Variants in UGT2B17 observed in about 807,000 individuals in gnomAD.
UGT2B17 encodes UDP glucuronosyltransferase family 2 member B17.
A neutral mutation model predicts 48.2 loss-of-function variants in UGT2B17; 21 were observed. The ratio of observed to expected loss-of-function variants is 0.44; its 90% CI spans 0.31 to 0.63. The LOEUF is 0.63. UGT2B17 is among the 20% of genes least tolerant of loss of function. The probability of loss-of-function intolerance (pLI) is 0.08; values close to 1 mark genes in which losing one functional copy is unlikely to be tolerated. For synonymous variants in UGT2B17, 146 were observed against 238.4 expected, an observed-to-expected ratio of 0.61 and a Z score of 3.57; for missense variants, 402 against 696.1, an observed-to-expected ratio of 0.58 and a Z score of 4.75.
chr4:68,574,780 A>G (rs535686569), intron 1 of UGT2B17, among the ~76,000 whole-genome samples: 1 of 126,500 alleles, frequency 7.9e-6, no homozygotes, highest in Non-Finnish European at 1.7e-5. Context: ...TTTTTTGCAT[A>G]AAATTTTTTA....
chr4:68,561,685 G>A (rs1167832749), intron 3 of UGT2B17, among the ~76,000 whole-genome samples: 2 of 119,736 alleles, frequency 1.7e-5, no homozygotes, highest in Non-Finnish European at 1.7e-5. Flanking sequence ...TGTTTGCTTC[G>A]AAATGAATGA....
chr4:68,572,320 A>G lies in UGT2B17; in HGVS notation c.-65+3631T>C, dbSNP rs1328983205. Among the ~76,000 whole-genome samples the G allele has an allele frequency of 4.0e-5, 5 of 126,282 alleles. 2 individuals carry two copies. Among genetic ancestry groups the G allele is most frequent in the Admixed American group, 2.4e-4 (3 of 12,308 alleles). 82.8% of individuals were successfully genotyped at this position (126,282 alleles called of 152,430 possible). A position where few individuals can be genotyped will look rare whatever the true frequency, so the allele number is the denominator to read the frequency against. On this transcript the variant is annotated intron_variant, in intron 1 of 6. Transcript: ENST00000317746. ...ATTACCTTACTTGTGTCACATAGAA[A>G]AGGAGCAGTCCTTAATTTTATTTTA...
rs1731101845 is a variant in UGT2B17, at chr4:68,561,453, C to T, written c.874-785G>A. Among the ~76,000 whole-genome samples, 2 of 124,318 alleles carry T rather than the reference C, an allele frequency of 1.6e-5. 1 individual carries two copies. The highest frequency in any genetic ancestry group is 3.4e-5 in the Non-Finnish European group (2 of 59,104). 81.6% of individuals were successfully genotyped at this position (124,318 alleles called of 152,430 possible). A position where few individuals can be genotyped will look rare whatever the true frequency, so the allele number is the denominator to read the frequency against. On this transcript the variant is annotated intron_variant, in intron 3 of 6. Coordinates refer to ENST00000317746, the MANE Select transcript of UGT2B17 (RefSeq NM_001077.4). ...AATTAAGTGATCTTATTTCTCAGAT[C>T]ATTGTTTAGGTATGACTATGATACC...
At chr4:68,555,276 T>C (rs1040820024) in intron 4 of UGT2B17, among the ~76,000 whole-genome samples, 1 of 125,906 alleles carries the variant, frequency 7.9e-6, no homozygotes, top group Non-Finnish European at 1.7e-5. Flanking sequence ...CAAAACAGAA[T>C]GATCTTCACT....
intron 6 of UGT2B17, among the ~76,000 whole-genome samples, chr4:68,540,787 C>T (rs1371217004): frequency 1.6e-5 from 2 of 125,208 alleles, no homozygotes; most frequent in African/African-American, 5.5e-5. Context: ...TGTCCTGATA[C>T]TCTCACTCCC....
intron 6 of UGT2B17, among the ~76,000 whole-genome samples, chr4:68,545,937 T>C (rs1730794961): frequency 8.0e-6 from 1 of 125,224 alleles, no homozygotes; most frequent in Admixed American, 8.2e-5. Flanking sequence ...AATTAATAGC[T>C]TACCAACCAA....
chr4:68,539,315 T>C (rs1265469942), intron 6 of UGT2B17, among the ~76,000 whole-genome samples: 2 of 125,736 alleles, frequency 1.6e-5, no homozygotes, highest in East Asian at 7.5e-4. Context: ...TATAATTGAA[T>C]TAAATAATAC....
intron 4 of UGT2B17, among the ~76,000 whole-genome samples, chr4:68,554,051 T>C (rs1364566540): frequency 8.0e-6 from 1 of 124,620 alleles, no homozygotes; most frequent in African/African-American, 2.7e-5. Flanking sequence ...AGGAAACACA[T>C]ATGAGGGCAG....
chr4:68,549,136 AT>A (rs1730871262), intron 6 of UGT2B17, among the ~76,000 whole-genome samples: 1 of 119,262 alleles, frequency 8.4e-6, no homozygotes, highest in Admixed American at 8.5e-5. Flanking sequence ...TGTCTTACTA[AT>A]TTTTTGGTAA....
chr4:68,556,897 C>T (rs1731011369), intron 4 of UGT2B17, among the ~76,000 whole-genome samples: 1 of 124,526 alleles, frequency 8.0e-6, no homozygotes, highest in African/African-American at 2.7e-5. Flanking sequence ...CTTTTTAATC[C>T]TTTGATATTT....
rs571097349 is a variant in UGT2B17 at position 68,567,377 on chromosome 4, C to T, written c.724+384G>A. Among the ~76,000 whole-genome samples, 2 of 126,498 alleles carry T rather than the reference C, an allele frequency of 1.6e-5. 1 individual carries two copies. Among genetic ancestry groups the T allele is most frequent in the Admixed American group, 1.6e-4 (2 of 12,302 alleles). 83.0% of individuals were successfully genotyped at this position (126,498 alleles called of 152,430 possible). The stretch of plus-strand genomic sequence containing the variant: ...CTCAGGTACAAGTTCCTCAATCCTG[C>T]ATTGATAATATTTTTAGAAATATGT... On this transcript the variant is annotated intron_variant, in intron 2 of 6. Coordinates refer to ENST00000317746, the MANE Select transcript of UGT2B17 (RefSeq NM_001077.4).
rs2109768102 is a variant in UGT2B17, at chr4:68,554,344, G to A, written c.1006-2433C>T. Among the ~76,000 whole-genome samples, 2 of 126,710 alleles carry A rather than the reference G, an allele frequency of 1.6e-5. 1 individual carries two copies. Among genetic ancestry groups the A allele is most frequent in the Admixed American group, 1.6e-4 (2 of 12,394 alleles). The allele number at this position is 126,710 out of a possible 152,430, so 83.1% of individuals were successfully genotyped here. On this transcript the variant is annotated intron_variant, in intron 4 of 6. Transcript: ENST00000317746. ...GACACCTCTACTTGGCAGAGTTTAT[G>A]TAAAATGAAGGTAATACGGTCTTTG...
rs767034995 is a variant in UGT2B17, at chr4:68,568,005, C to T, written c.480G>A (p.Leu160=). 8.0e-6 allele frequency: 11 copies of T among 1,382,016 alleles called. 1 individual carries two copies. The African/African-American group carries it at 1.0e-4, about 13-fold the overall frequency. The allele number at this position is 1,382,016 out of a possible 1,614,324, so 85.6% of individuals were successfully genotyped here. ...AGGGTATGTTAAGTAGCTCAGCCAG[C>T]AGCTCACCACAGGGATTAACGGCAT... is the stretch of plus-strand genomic sequence containing the variant. ...LADAVNPCGE[L]LAELLNIPFL... is the part of the protein sequence containing the mutation. The change falls in exon 2 of 7, where the codon CTG becomes CTA. Residue 160 remains leucine, a synonymous_variant. Coordinates refer to ENST00000317746, the MANE Select transcript of UGT2B17 (RefSeq NM_001077.4).
In UGT2B17 at chr4:68,565,662, G is replaced by A. The variant is rs1731184878; in HGVS notation, c.783C>T (p.Thr261=). The change falls in exon 3 of 7, where the codon ACC becomes ACT. Residue 261 remains threonine (T), a synonymous_variant. Transcript: ENST00000317746. ...GGCGAGGAAATTCAAAATCCCAATA[G>A]GTTCGAATGAGCCACATTTCAGCTT... is the stretch of plus-strand genomic sequence containing the variant. ...MGKAEMWLIR[T]YWDFEFPRPF... 1 of 1,366,702 alleles carries A rather than the reference G, an allele frequency of 7.3e-7. No individual in the cohort carries two copies. The highest frequency in any genetic ancestry group is 9.5e-7 in the Non-Finnish European group (1 of 1,048,308). The allele number at this position is 1,366,702 out of a possible 1,614,324, so 84.7% of individuals were successfully genotyped here.
rs1389573596 is a variant in UGT2B17, at chr4:68,558,391, T to G, written c.1005+2146A>C. On this transcript the variant is annotated intron_variant, in intron 4 of 6. Transcript: ENST00000317746. ...ACAATTTTTCCTAATTTGGAGTCAC[T>G]GTAAACTAAGCTATGCTTTCATAAA... is the stretch of plus-strand genomic sequence containing the variant. 5.6e-5 allele frequency among the ~76,000 whole-genome samples: 7 copies of G among 126,018 alleles called. 2 individuals are homozygous for G. Among genetic ancestry groups the G allele is most frequent in the Non-Finnish European group, 1.2e-4 (7 of 59,314 alleles). The allele number at this position is 126,018 out of a possible 152,430, so 82.7% of individuals were successfully genotyped here.
In UGT2B17 at chr4:68,551,906, T is replaced by C. The variant is rs1730921092; in HGVS notation, c.1011A>G (p.Leu337=). 2 of 1,346,284 alleles carry C rather than the reference T, an allele frequency of 1.5e-6. 1 individual carries two copies. The highest frequency in any genetic ancestry group is 1.9e-6 in the Non-Finnish European group (2 of 1,031,116). The allele number at this position is 1,346,284 out of a possible 1,614,324, so 83.4% of individuals were successfully genotyped here. The change falls in exon 5 of 7, where the codon CTA becomes CTG. Residue 337 remains leucine (L), a synonymous_variant. Coordinates refer to ENST00000317746, the MANE Select transcript of UGT2B17 (RefSeq NM_001077.4). ...SALAQIPQKV[L]WRFDGKKPNT... ...TTGGCTTCTTGCCATCAAATCTCCATAGAACCTGTTAGGGCAAGGAAAATA... is the reference window on the plus strand; with the variant it reads ...TTGGCTTCTTGCCATCAAATCTCCACAGAACCTGTTAGGGCAAGGAAAATA...
intron 6 of UGT2B17, among the ~76,000 whole-genome samples, chr4:68,544,296 G>T (rs1730748954): frequency 7.9e-6 from 1 of 126,416 alleles, no homozygotes; most frequent in African/African-American, 2.7e-5. Flanking sequence ...TTAAAGAAAA[G>T]AATCTTCAAC....
chr4:68,574,080 G>C (rs913338525), intron 1 of UGT2B17, among the ~76,000 whole-genome samples: 2 of 126,874 alleles, frequency 1.6e-5, no homozygotes, highest in African/African-American at 2.7e-5. Flanking sequence ...CATAACAATT[G>C]CTTTTGTTTA....
chr4:68,560,332 T>G (rs1410710330), intron 4 of UGT2B17, among the ~76,000 whole-genome samples: 2 of 129,056 alleles, frequency 1.5e-5, no homozygotes, highest in Non-Finnish European at 3.3e-5. Context: ...GATCACAATA[T>G]TAATGCCAAC....
Sources: gnomAD v4.1 joint callset for allele counts (sites outside exome capture counted in the v4.1 genomes callset) on GRCh38, gnomAD v4.1.1 for gene constraint, MANE v1.5 for transcripts, NCBI Gene and HGNC (gene_info 2026-07-23, HGNC 2026-07-21) for gene names.